The following KIF9 variants were observed in gnomAD, a reference collection of about 807,000 sequenced individuals.
KIF9 encodes kinesin family member 9.
KIF9 carries 68 observed loss-of-function variants against 94.8 expected under a neutral mutation model. The ratio of observed to expected loss-of-function variants is 0.72; its 90% CI spans 0.59 to 0.88. The LOEUF is 0.88. Ranked by LOEUF, KIF9 falls within the 40% of genes least tolerant of loss-of-function variation. The pLI is 0.00. For missense variants in KIF9, 882 were observed against 982.5 expected (o/e 0.90, Z 1.37); for synonymous variants, 343 against 362.1 (o/e 0.95, Z 0.60).
chr3:47,246,053 G>C, intron 13 of KIF9, 144 bp downstream of exon 13: 1 of 640,504 alleles, frequency 1.6e-6, no homozygotes, highest in Non-Finnish European at 2.7e-6. Context: ...ATATCCACCA[G>C]GGACCCAGGC....
chr3:47,281,065 T>A, intron 1 of KIF9: 1 of 702,740 alleles, frequency 1.4e-6, no homozygotes, highest in Admixed American at 2.0e-5. Context: ...CTCTTTTGAA[T>A]CCCCTCACAA....
Position 47,234,420 on chromosome 3 carries a change from G to A in KIF9, c.2322+1093C>T, listed in dbSNP as rs1041281672. On this transcript the variant is annotated intron_variant, in intron 20 of 20. Transcript: ENST00000684063. ...AGCTAAGTTTTTGTATTTTAGTAGA[G>A]ACAGGGTTTCACCATGTTGCCCAGG... 8.4e-4 allele frequency among the ~76,000 whole-genome samples: 128 copies of A among 152,098 alleles called. 1 individual carries two copies. Among genetic ancestry groups the A allele is most frequent in the African/African-American group, 2.9e-3 (121 of 41,502 alleles).
In KIF9 at chr3:47,270,316, C is replaced by T. The variant is rs973999908; in HGVS notation, c.591+921G>A. ...TTGCCCAGGTTGGAGTGCAATGGTA[C>T]GATCTTGGCTCACTGCAACCAGTGC... On this transcript the variant is annotated intron_variant, in intron 5 of 20. Coordinates refer to ENST00000684063, the MANE Select transcript of KIF9 (RefSeq NM_182902.4). Among the ~76,000 whole-genome samples the T allele has an allele frequency of 3.3e-5, 5 of 151,028 alleles. No individual in the cohort carries two copies. In the East Asian group the frequency reaches 5.9e-4, roughly 18 times the overall value.
At chr3:47,273,800 C>T (rs1701795949) in intron 3 of KIF9, 142 bp from the exon 4 acceptor site, 3 of 738,526 alleles carry the variant, frequency 4.1e-6, no homozygotes, top group African/African-American at 3.5e-5. Context: ...AGGAATTCCA[C>T]CATGGAAGAG....
intron 16 of KIF9, among the ~76,000 whole-genome samples, chr3:47,241,488 A>T (rs1462313893): frequency 6.6e-6 from 1 of 150,606 alleles, no homozygotes; most frequent in Non-Finnish European, 1.5e-5. Flanking sequence ...CACCTGGCTA[A>T]TTTTTTTATT....
At chr3:47,232,636 C>T (rs558222725) in intron 20 of KIF9, among the ~76,000 whole-genome samples, 10 of 151,964 alleles carry the variant, frequency 6.6e-5, no homozygotes, top group Admixed American at 2.6e-4. Flanking sequence ...TTGCAGCAGC[C>T]TAAATGGACT....
chr3:47,271,120 G>T, intron 5 of KIF9, 117 bp downstream of exon 5: 1 of 767,516 alleles, frequency 1.3e-6, no homozygotes, highest in Non-Finnish European at 2.1e-6. Flanking sequence ...CTCCAGACTT[G>T]GAGAAAAACC....
In KIF9 at chr3:47,266,844, C is replaced by T. The variant is rs554053384; in HGVS notation, c.768+132G>A. On this transcript the variant is annotated intron_variant, in intron 7 of 20. Coordinates refer to ENST00000684063, the MANE Select transcript of KIF9 (RefSeq NM_182902.4). ...AAATCCTGTCCCTCCAGCAAGCCCA[C>T]ATGTCCCACTTCGCCTAGCTCAGGA... 52 of 733,646 alleles carry T rather than the reference C, an allele frequency of 7.1e-5. No individual in the cohort carries two copies. In the South Asian group the frequency reaches 8.3e-4, roughly 12 times the overall value. 45.4% of individuals were successfully genotyped at this position (733,646 alleles called of 1,614,324 possible).
Position 47,245,482 on chromosome 3 carries a change from A to C in KIF9, c.1319T>G (p.Leu440Trp). ...SQQEQEVEST[L>W]RRKYTLIDRN... is the part of the protein sequence containing the mutation. The stretch of plus-strand genomic sequence containing the variant: ...GTCAATGAGGGTGTACTTCCTGCGC[A>C]AAGTGGACTCCACTTCCTGTTCCTG... Residue 440 changes from leucine (L) to tryptophan (W), a missense_variant, in exon 14 of 21, where the codon TTG (leucine) becomes TGG (tryptophan). By Grantham distance (61) the Leu-to-Trp change is moderately conservative. Transcript: ENST00000684063. 1 of 1,613,950 alleles carries C rather than the reference A, an allele frequency of 6.2e-7. No individual in the cohort carries two copies. The highest frequency in any genetic ancestry group is 8.5e-7 in the Non-Finnish European group (1 of 1,179,976).
At chr3:47,251,457 A>G (rs1465447307) in intron 10 of KIF9, among the ~76,000 whole-genome samples, 2 of 152,156 alleles carry the variant, frequency 1.3e-5, no homozygotes, top group Non-Finnish European at 2.9e-5. Flanking sequence ...CCAGCTACTC[A>G]GCAGGCTGAG....
At chr3:47,268,068 C>T (rs1701402003) in intron 5 of KIF9, among the ~76,000 whole-genome samples, 1 of 151,946 alleles carries the variant, frequency 6.6e-6, no homozygotes, top group South Asian at 2.1e-4. Context: ...GACAGGGTTT[C>T]ACCATGTGCC....
At chr3:47,264,718 G>A (rs759546044) in intron 8 of KIF9, among the ~76,000 whole-genome samples, 4 of 152,240 alleles carry the variant, frequency 2.6e-5, no homozygotes, top group African/African-American at 7.2e-5. Flanking sequence ...GATTACAGGT[G>A]TGAGCCACCA....
At chr3:47,241,799 G>GTA (rs35832810) in intron 16 of KIF9, among the ~76,000 whole-genome samples, 78,044 of 132,854 alleles carry the variant, frequency 0.59, 22,880 homozygotes, top group Non-Finnish European at 0.61. Flanking sequence ...GTGTATATAT[G>GTA]TATATATGTA....
At chr3:47,277,190 G>C in intron 2 of KIF9, 92 bp downstream of exon 2, 1 of 870,926 alleles carries the variant, frequency 1.1e-6, no homozygotes, top group East Asian at 2.6e-5. Context: ...ATTCTGTCTT[G>C]GTCCTTCAAA....
chr3:47,281,808 G>C (rs1702381034), intron 1 of KIF9, among the ~76,000 whole-genome samples: 1 of 152,216 alleles, frequency 6.6e-6, no homozygotes, highest in East Asian at 1.9e-4. Context: ...GGAATGAACA[G>C]AATTGGCAAC....
At position 47,237,036 on chromosome 3, in the gene KIF9, T is replaced by G. The variant is rs562375292; in HGVS notation, c.1925-417A>C. Among the ~76,000 whole-genome samples the G allele has an allele frequency of 5.9e-5, 9 of 152,332 alleles. No individual in the cohort carries two copies. The South Asian group carries it at 1.3e-3, about 21-fold the overall frequency. On this transcript the variant is annotated intron_variant, in intron 17 of 20. Transcript: ENST00000684063. ...TACAAGGCACTTGGGCAAGGCTCCT[T>G]ATTAATAACAGCAGATGTTCAAATT...
At position 47,261,748 on chromosome 3, in the gene KIF9, C is replaced by T. The variant is rs111679496; in HGVS notation, c.981+2538G>A. Among the ~76,000 whole-genome samples the T allele has an allele frequency of 2.4e-3, 370 of 152,240 alleles. 1 individual carries two copies. The highest frequency in any genetic ancestry group is 8.0e-3 in the African/African-American group (331 of 41,532). On this transcript the variant is annotated intron_variant, in intron 9 of 20. Coordinates refer to ENST00000684063, the MANE Select transcript of KIF9 (RefSeq NM_182902.4). ...GAGCTGCCTTGATAAGGTGTATATG[C>T]GCTCTGTACAGAGCTGGCTCACAGC...
intron 1 of KIF9, among the ~76,000 whole-genome samples, chr3:47,279,575 C>T (rs1259634958): frequency 2.6e-5 from 4 of 151,186 alleles, no homozygotes; most frequent in East Asian, 1.9e-4. Context: ...GATTATCTTG[C>T]TTTTTTAAAA....
intron 9 of KIF9, among the ~76,000 whole-genome samples, chr3:47,261,976 G>C (rs1366120534): frequency 6.6e-6 from 1 of 152,212 alleles, no homozygotes; most frequent in African/African-American, 2.4e-5. Flanking sequence ...ATTTGGAAGA[G>C]ACAATCATTA....
Sources: gnomAD v4.1 joint callset for allele counts (sites outside exome capture counted in the v4.1 genomes callset) on GRCh38, gnomAD v4.1.1 for gene constraint, MANE v1.5 for transcripts, NCBI Gene and HGNC (gene_info 2026-07-23, HGNC 2026-07-21) for gene names.